Variants in KLHL13 observed in about 807,000 individuals in gnomAD.
The protein encoded by KLHL13 is kelch like family member 13, also known as kelch-like protein 13.
Under a neutral mutation model 37.1 loss-of-function variants are expected in KLHL13, and 10 were observed. The observed-to-expected ratio is 0.27, with a 90% CI of 0.17 to 0.46. The LOEUF (loss-of-function observed/expected upper bound fraction) is 0.46. Among genes scored for constraint, KLHL13 ranks in the 20% least tolerant of loss-of-function variants. KLHL13 has a pLI of 1.00. For missense variants in KLHL13, 360 were observed against 509.3 expected (o/e 0.71, Z 2.82); for synonymous variants, 163 against 181.2 (o/e 0.90, Z 0.81).
At chrX:118,053,765 T>TTGTGTGTGTGTGTG (rs774059071) in intron 1 of KLHL13, among the ~76,000 whole-genome samples, 5 of 67,913 alleles carry the variant, frequency 7.4e-5, no homozygotes, top group African/African-American at 2.8e-4. Flanking sequence ...CAATCTCAAT[T>TTGTGTGTGTGTGTG]TGTGTGTGTG....
At chrX:117,911,206 T>C (rs1250390473) in intron 4 of KLHL13, among the ~76,000 whole-genome samples, 1 of 111,899 alleles carries the variant, frequency 8.9e-6, no homozygotes, top group African/African-American at 3.2e-5. Flanking sequence ...TATCAATGTA[T>C]TGTTAACCTC....
At chrX:118,116,231 C>G (rs1198513091) in intron 1 of KLHL13, among the ~76,000 whole-genome samples, 2 of 111,858 alleles carry the variant, frequency 1.8e-5, no homozygotes, top group Non-Finnish European at 3.8e-5. Flanking sequence ...GACAAAGAAG[C>G]ACAGGAAAGC....
intron 1 of KLHL13, among the ~76,000 whole-genome samples, chrX:118,004,318 A>G (rs779569060): frequency 3.7e-4 from 41 of 111,812 alleles, no homozygotes; most frequent in Non-Finnish European, 6.2e-4. Flanking sequence ...TCTCCATCAA[A>G]AGGGCCTTGG....
chrX:117,903,179 C>CGAGAGAGAGAGAGA lies in KLHL13; in HGVS notation c.1367-1247_1367-1234dup, dbSNP rs56692141. On this transcript the variant is annotated intron_variant, in intron 5 of 6. Coordinates refer to ENST00000262820, the Ensembl canonical transcript of KLHL13. ...ACACAGAGAGAGAGAGAGAGGAGAG[C>CGAGAGAGAGAGAGA]GAGAGAGAGAGAGAGAGAGAGAGAG... 2.0e-3 allele frequency among the ~76,000 whole-genome samples: 184 copies of CGAGAGAGAGAGAGA among 92,277 alleles called. 1 individual carries two copies. Among genetic ancestry groups the CGAGAGAGAGAGAGA allele is most frequent in the African/African-American group, 7.2e-3 (173 of 23,954 alleles). The allele number at this position is 92,277 out of a possible 115,157, so 80.1% of individuals were successfully genotyped here. A position where few individuals can be genotyped will look rare whatever the true frequency, so the allele number is the denominator to read the frequency against.
chrX:118,104,048 T>TA (rs60645250), intron 1 of KLHL13, among the ~76,000 whole-genome samples: 3,696 of 42,452 alleles, frequency 0.087, 328 homozygotes, highest in African/African-American at 0.14. Context: ...TCATTTCCAC[T>TA]AAAAAAAAAA....
intron 1 of KLHL13, among the ~76,000 whole-genome samples, chrX:118,005,211 A>G (rs1248910547): frequency 8.9e-6 from 1 of 111,894 alleles, no homozygotes; most frequent in East Asian, 2.8e-4. Flanking sequence ...TGCCCCACAG[A>G]TAACAACAGA....
chrX:117,949,764 G>A (rs1933492164), intron 1 of KLHL13, among the ~76,000 whole-genome samples: 1 of 112,040 alleles, frequency 8.9e-6, no homozygotes, highest in Admixed American at 9.5e-5. Context: ...AGAAACCCAG[G>A]TGTGGTCAAA....
intron 1 of KLHL13, among the ~76,000 whole-genome samples, chrX:118,086,910 C>T (rs558699865): frequency 9.0e-6 from 1 of 111,041 alleles, no homozygotes. Context: ...CCTATATGTA[C>T]CTATGATGAA....
intron 1 of KLHL13, among the ~76,000 whole-genome samples, chrX:118,107,795 C>A (rs1406281542): frequency 9.0e-6 from 1 of 111,638 alleles, no homozygotes; most frequent in Non-Finnish European, 1.9e-5. Flanking sequence ...TGCAGTGGCT[C>A]ATGTCTGTAA....
chrX:118,033,553 C>G (rs2148039550), intron 1 of KLHL13, among the ~76,000 whole-genome samples: 1 of 110,270 alleles, frequency 9.1e-6, no homozygotes, highest in Admixed American at 9.7e-5. Flanking sequence ...GAGATTTTGT[C>G]ACCACCAGGC....
At chrX:117,900,941 G>C (rs1293567618) in intron 6 of KLHL13, among the ~76,000 whole-genome samples, 3 of 111,929 alleles carry the variant, frequency 2.7e-5, no homozygotes, top group African/African-American at 9.7e-5. Flanking sequence ...ACAGTAGATT[G>C]ATTTAAACAC....
intron 1 of KLHL13, among the ~76,000 whole-genome samples, chrX:118,004,939 C>T (rs2053965228): frequency 9.0e-6 from 1 of 111,625 alleles, no homozygotes; most frequent in Non-Finnish European, 1.9e-5. Flanking sequence ...GGACATTCTG[C>T]AAATTAACTG....
At chrX:118,069,427 A>G (rs1396075583) in intron 1 of KLHL13, among the ~76,000 whole-genome samples, 1 of 108,415 alleles carries the variant, frequency 9.2e-6, no homozygotes, top group Non-Finnish European at 1.9e-5. Context: ...ATGTAAAAAA[A>G]AAAAAAAAAA....
At chrX:117,985,383 G>A in intron 1 of KLHL13, 8 of 1,008,113 alleles carry the variant, frequency 7.9e-6, no homozygotes, top group Non-Finnish European at 8.8e-6. Context: ...GCGCACCCCA[G>A]TGCATCTGCC....
At chrX:117,983,328 T>G (rs2147930915) in intron 1 of KLHL13, among the ~76,000 whole-genome samples, 1 of 111,427 alleles carries the variant, frequency 9.0e-6, no homozygotes, top group Non-Finnish European at 1.9e-5. Context: ...CAGCATGATT[T>G]ACATACTTTT....
In KLHL13 at chrX:117,928,264, T is replaced by C. The variant is rs780030869; in HGVS notation, c.241-7894A>G. Reference sequence around the variant, plus strand: ...TTATAATTGGAGATTTCAATACCATTCTCTCAATAATTGATTTTAAAGGTG... The same window carrying C: ...TTATAATTGGAGATTTCAATACCATCCTCTCAATAATTGATTTTAAAGGTG... On this transcript the variant is annotated intron_variant, in intron 2 of 6. Coordinates refer to ENST00000262820, the Ensembl canonical transcript of KLHL13. Among the ~76,000 whole-genome samples, 7 of 111,719 alleles carry C rather than the reference T, an allele frequency of 6.3e-5. No homozygotes were observed. The South Asian group carries it at 2.6e-3, about 42-fold the overall frequency.
At chrX:117,947,367 C>A (rs1469620476) in intron 1 of KLHL13, 1 of 112,131 alleles carries the variant, frequency 8.9e-6, no homozygotes, top group African/African-American at 3.2e-5. Context: ...ACAGAATCTT[C>A]TTTCTGTAGA....
At chrX:117,909,989 C>T in exon 5 of KLHL13, 2 of 1,209,776 alleles carry the variant, frequency 1.7e-6, no homozygotes, top group Non-Finnish European at 2.2e-6. Flanking sequence ...CTGTGCTCAG[C>T]AATGCAGGAA....
intron 5 of KLHL13, among the ~76,000 whole-genome samples, chrX:117,903,194 G>A (rs1363158045): frequency 9.5e-6 from 1 of 105,194 alleles, no homozygotes; most frequent in Non-Finnish European, 2.0e-5. Flanking sequence ...GAGAGAGAGA[G>A]AGAGAGAGAG....
Sources: gnomAD v4.1 joint callset for allele counts (sites outside exome capture counted in the v4.1 genomes callset) on GRCh38, gnomAD v4.1.1 for gene constraint, MANE v1.5 for transcripts, NCBI Gene and HGNC (gene_info 2026-07-23, HGNC 2026-07-21) for gene names.